The following CSE1L variants were observed in gnomAD, a reference collection of about 807,000 sequenced individuals.
CSE1L encodes the protein exportin-2.
CSE1L carries 24 observed loss-of-function variants against 120.4 expected under a neutral mutation model. The observed-to-expected ratio is 0.20, with a 90% CI of 0.14 to 0.28. The LOEUF (loss-of-function observed/expected upper bound fraction) is 0.28, where lower values mean the gene tolerates loss of function less well. CSE1L is among the 10% of genes least tolerant of loss of function. The pLI is 1.00. For synonymous variants in CSE1L, 402 were observed against 398.3 expected (o/e 1.01, Z -0.11); for missense variants, 830 against 1,145.2 (o/e 0.72, Z 3.97).
intron 13 of CSE1L, among the ~76,000 whole-genome samples, chr20:49,078,291 T>C (rs2091984292): frequency 1.3e-5 from 2 of 152,202 alleles, no homozygotes; most frequent in Admixed American, 1.3e-4. Flanking sequence ...CTTCTGGGAA[T>C]GTAGGTAGAC....
At chr20:49,057,186 T>G (rs2091815513) in intron 1 of CSE1L, among the ~76,000 whole-genome samples, 1 of 152,164 alleles carries the variant, frequency 6.6e-6, no homozygotes, top group African/African-American at 2.4e-5. Context: ...TAATTTGTCA[T>G]CTGTTAGATG....
At chr20:49,077,860 C>T (rs1294776570) in intron 13 of CSE1L, among the ~76,000 whole-genome samples, 2 of 151,970 alleles carry the variant, frequency 1.3e-5, no homozygotes, top group African/African-American at 2.4e-5. Flanking sequence ...AAAAACTAGC[C>T]GGGCGTGGTG....
intron 7 of CSE1L, 127 bp downstream of exon 7, chr20:49,068,949 A>G (rs539090195): frequency 5.3e-5 from 35 of 657,158 alleles, no homozygotes; most frequent in East Asian, 1.6e-4. Context: ...TTCTGACTCT[A>G]TTTATCTATA....
chr20:49,052,303 T>C (rs2091772777), intron 1 of CSE1L, among the ~76,000 whole-genome samples: 1 of 152,242 alleles, frequency 6.6e-6, no homozygotes, highest in African/African-American at 2.4e-5. Context: ...CCTCAGGAGC[T>C]TGCAGTCTAG....
intron 15 of CSE1L, 58 bp downstream of exon 15, chr20:49,084,220 A>G: frequency 6.8e-7 from 1 of 1,473,940 alleles, no homozygotes; most frequent in Non-Finnish European, 9.2e-7. Flanking sequence ...TGTGCTGGTC[A>G]AAGATATCTG....
At chr20:49,087,598 G>A (rs1600546181) in intron 16 of CSE1L, among the ~76,000 whole-genome samples, 1 of 151,946 alleles carries the variant, frequency 6.6e-6, no homozygotes, top group South Asian at 2.1e-4. Flanking sequence ...CAAGTGATCC[G>A]CCAGCCTCGG....
At chr20:49,066,943 A>G (rs1037123728) in intron 5 of CSE1L, among the ~76,000 whole-genome samples, 2 of 149,376 alleles carry the variant, frequency 1.3e-5, no homozygotes, top group Non-Finnish European at 3.0e-5. Context: ...GAGACAGGAG[A>G]ATCACTTGAG....
chr20:49,061,028 G>A (rs1249089277), intron 2 of CSE1L, among the ~76,000 whole-genome samples: 2 of 152,092 alleles, frequency 1.3e-5, no homozygotes, highest in Admixed American at 1.3e-4. Flanking sequence ...TTCTAGAAAA[G>A]TCTTTGTGAT....
chr20:49,049,890 G>A (rs866774529), intron 1 of CSE1L, among the ~76,000 whole-genome samples: 2 of 152,160 alleles, frequency 1.3e-5, no homozygotes, highest in Non-Finnish European at 2.9e-5. Flanking sequence ...AGCCAGGTGT[G>A]GTGGTGTGTG....
chr20:49,081,813 G>GTGCC (rs1861402442), intron 14 of CSE1L, among the ~76,000 whole-genome samples: 1 of 152,122 alleles, frequency 6.6e-6, no homozygotes, highest in Non-Finnish European at 1.5e-5. Flanking sequence ...AGTAACAATG[G>GTGCC]TGCCATCTTG....
intron 24 of CSE1L, chr20:49,095,237 T>A: frequency 2.1e-6 from 1 of 480,402 alleles, no homozygotes; most frequent in South Asian, 2.3e-5. Flanking sequence ...TATAGTTGCA[T>A]TTTGTCAGCA....
At chr20:49,047,593 G>A (rs1346643959) in intron 1 of CSE1L, among the ~76,000 whole-genome samples, 1 of 13,304 alleles carries the variant, frequency 7.5e-5, no homozygotes, top group Non-Finnish European at 1.8e-4. Context: ...TTTTTTTTTT[G>A]AGAGAGAGAG....
At chr20:49,096,112 T>C (rs1395574379) in intron 24 of CSE1L, 1 of 670,622 alleles carries the variant, frequency 1.5e-6, no homozygotes, top group East Asian at 2.8e-5. Flanking sequence ...TAAGGACTTT[T>C]TAATTAACCA....
At chr20:49,057,326 A>G (rs1214977153) in intron 1 of CSE1L, among the ~76,000 whole-genome samples, 4 of 152,152 alleles carry the variant, frequency 2.6e-5, no homozygotes, top group Non-Finnish European at 5.9e-5. Flanking sequence ...CCTAGATGCA[A>G]ATTCTTAGCA....
intron 1 of CSE1L, among the ~76,000 whole-genome samples, chr20:49,050,813 C>G (rs955083226): frequency 6.6e-6 from 1 of 152,078 alleles, no homozygotes; most frequent in Non-Finnish European, 1.5e-5. Flanking sequence ...CGTCCCATCT[C>G]CACCTCCCAA....
intron 15 of CSE1L, 81 bp from the exon 16 acceptor site, chr20:49,085,202 T>G: frequency 2.1e-6 from 2 of 965,952 alleles, no homozygotes; most frequent in Non-Finnish European, 3.3e-6. Context: ...CTGAGAAGGG[T>G]GACATAGTGG....
intron 8 of CSE1L, among the ~76,000 whole-genome samples, chr20:49,070,619 A>G (rs947369945): frequency 2.0e-5 from 3 of 152,224 alleles, no homozygotes; most frequent in Admixed American, 1.3e-4. Flanking sequence ...TTAAAACTCT[A>G]TAATGGTAGC....
chr20:49,060,649 G>T (rs571865309), intron 2 of CSE1L, among the ~76,000 whole-genome samples: 2 of 152,022 alleles, frequency 1.3e-5, no homozygotes, highest in South Asian at 2.1e-4. Flanking sequence ...GGTAGCATGT[G>T]CCTGTAACCC....
chr20:49,058,999 C>G (rs930856303), intron 2 of CSE1L, among the ~76,000 whole-genome samples: 1 of 151,886 alleles, frequency 6.6e-6, no homozygotes, highest in African/African-American at 2.4e-5. Context: ...GGCGTGGTGG[C>G]GGGTGCCTGT....
Sources: gnomAD v4.1 joint callset for allele counts (sites outside exome capture counted in the v4.1 genomes callset) on GRCh38, gnomAD v4.1.1 for gene constraint, MANE v1.5 for transcripts, NCBI Gene and HGNC (gene_info 2026-07-23, HGNC 2026-07-21) for gene names.